CBLB: variants seen among roughly 807,000 people sequenced by gnomAD.
The protein encoded by CBLB is E3 ubiquitin-protein ligase CBL-B.
A neutral mutation model predicts 104.9 loss-of-function variants in CBLB; 31 were observed. That is an observed-to-expected ratio of 0.30 (90% CI 0.22 to 0.40). The LOEUF (loss-of-function observed/expected upper bound fraction) is 0.40. Among genes scored for constraint, CBLB ranks in the 10% least tolerant of loss-of-function variants. The pLI is 1.00. For synonymous variants in CBLB, 440 were observed against 422.6 expected, an observed-to-expected ratio of 1.04 and a Z score of -0.51; for missense variants, 1,062 against 1,214.6, an observed-to-expected ratio of 0.87 and a Z score of 1.87.
chr3:105,691,787 A>G (rs906241780), intron 13 of CBLB, among the ~76,000 whole-genome samples: 1 of 152,182 alleles, frequency 6.6e-6, no homozygotes, highest in African/African-American at 2.4e-5. Flanking sequence ...AGAATGATCT[A>G]ATTCGCTGAG....
At chr3:105,743,702 G>C (rs1196999208) in intron 6 of CBLB, among the ~76,000 whole-genome samples, 1 of 146,788 alleles carries the variant, frequency 6.8e-6, no homozygotes, top group East Asian at 2.0e-4. Context: ...TCTATACTAT[G>C]AAGTCAAAGA....
At chr3:105,670,862 G>A (rs532606049) in intron 17 of CBLB, 1 of 161,016 alleles carries the variant, frequency 6.2e-6, no homozygotes, top group East Asian at 1.6e-4. Flanking sequence ...ATTTGTGCAT[G>A]TAAAATCTTC....
At chr3:105,702,536 C>G in intron 11 of CBLB, 77 bp from the exon 12 acceptor site, 6 of 1,379,656 alleles carry the variant, frequency 4.3e-6, no homozygotes, top group Non-Finnish European at 9.6e-7. Context: ...AACTTCCAAA[C>G]TAGTGTATTA....
intron 4 of CBLB, among the ~76,000 whole-genome samples, chr3:105,767,462 C>T (rs1252345487): frequency 4.6e-5 from 7 of 151,968 alleles, no homozygotes; most frequent in Admixed American, 2.0e-4. Flanking sequence ...TATAAATAAA[C>T]CATTTTCCCC....
chr3:105,772,996 A>G (rs947141544), intron 4 of CBLB, among the ~76,000 whole-genome samples: 12 of 152,228 alleles, frequency 7.9e-5, no homozygotes, highest in African/African-American at 2.9e-4. Flanking sequence ...TTAAAGAACT[A>G]AAAGTAGAAC....
At chr3:105,720,291 T>C (rs1324306800) in intron 9 of CBLB, 41 bp from the exon 10 acceptor site, 2 of 1,531,762 alleles carry the variant, frequency 1.3e-6, no homozygotes, top group Non-Finnish European at 1.8e-6. Context: ...TTGTTCAAAA[T>C]AAACAGTACC....
At chr3:105,673,880 G>C (rs1326835935) in intron 17 of CBLB, 1 of 152,142 alleles carries the variant, frequency 6.6e-6, no homozygotes, top group Non-Finnish European at 1.5e-5. Context: ...CTACATCCAA[G>C]GTCTTCTCTT....
chr3:105,854,712 A>T (rs1324725939), intron 2 of CBLB, among the ~76,000 whole-genome samples: 1 of 151,918 alleles, frequency 6.6e-6, no homozygotes, highest in Non-Finnish European at 1.5e-5. Flanking sequence ...AGCTCACTGC[A>T]ACCTCTGCCT....
intron 3 of CBLB, among the ~76,000 whole-genome samples, chr3:105,843,432 T>A (rs1433581880): frequency 6.6e-6 from 1 of 152,166 alleles, no homozygotes; most frequent in Non-Finnish European, 1.5e-5. Context: ...AAGTTATAAT[T>A]ATTCTAATTA....
intron 3 of CBLB, among the ~76,000 whole-genome samples, chr3:105,783,256 T>C (rs2080515672): frequency 7.6e-6 from 1 of 130,746 alleles, no homozygotes; most frequent in Non-Finnish European, 1.7e-5. Context: ...ATAAGACATG[T>C]AGGTAAGACC....
At chr3:105,713,464 G>A (rs1294994712) in intron 10 of CBLB, among the ~76,000 whole-genome samples, 2 of 151,824 alleles carry the variant, frequency 1.3e-5, no homozygotes, top group Non-Finnish European at 2.9e-5. Flanking sequence ...ATGGAAAGAA[G>A]AATAAAGCAT....
intron 9 of CBLB, among the ~76,000 whole-genome samples, chr3:105,722,080 G>C (rs1054503014): frequency 2.0e-5 from 3 of 151,316 alleles, no homozygotes; most frequent in African/African-American, 7.3e-5. Context: ...CACACCTGAA[G>C]TCCCAGCTGG....
intron 17 of CBLB, among the ~76,000 whole-genome samples, chr3:105,675,253 C>T (rs905691402): frequency 6.6e-6 from 1 of 152,230 alleles, no homozygotes; most frequent in East Asian, 1.9e-4. Flanking sequence ...ACGAAAACAA[C>T]GGTAAAATGC....
At position 105,867,034 on chromosome 3, in the gene CBLB, G is replaced by T. The variant is rs529565269; in HGVS notation, c.168+376C>A. 5.3e-5 allele frequency among the ~76,000 whole-genome samples: 8 copies of T among 152,262 alleles called. No homozygotes were observed. The South Asian group carries it at 1.7e-3, about 32-fold the overall frequency. ...ATCATACCAGATGATTGTCATGAGT[G>T]GTCAAAGACTTAAATAACCTGCTGG... On this transcript the variant is annotated intron_variant, in intron 2 of 18. Transcript: ENST00000394030.
chr3:105,856,735 T>C (rs2091657519), intron 2 of CBLB, among the ~76,000 whole-genome samples: 2 of 152,188 alleles, frequency 1.3e-5, no homozygotes. Context: ...AGAAAGTCCT[T>C]GGAAAGGTAA....
Position 105,662,906 on chromosome 3 carries a change from T to C in CBLB, c.2690-3677A>G, listed in dbSNP as rs147149490. ...TACTTGAGACCATCAATACTACAGT[T>C]ACTATAATACTGTTACCACTTGAGA... On this transcript the variant is annotated intron_variant, in intron 18 of 18. Transcript: ENST00000394030. 3.3e-5 allele frequency among the ~76,000 whole-genome samples: 5 copies of C among 152,216 alleles called. No individual in the cohort carries two copies. The East Asian group carries it at 7.8e-4, about 24-fold the overall frequency.
intron 9 of CBLB, among the ~76,000 whole-genome samples, chr3:105,728,658 G>T (rs1193804730): frequency 6.6e-6 from 1 of 152,060 alleles, no homozygotes; most frequent in Non-Finnish European, 1.5e-5. Flanking sequence ...ATTACTAAGG[G>T]TAGCACAAAA....
At position 105,656,942 on chromosome 3, in the gene CBLB, A is replaced by G; in HGVS notation, c.*2028T>C. ...TGACAAAACAGGGGTTCATAAAGCA[A>G]AAGAAAATTTGCCAATGCAATTTTA... is the stretch of plus-strand genomic sequence containing the variant. On this transcript the variant is annotated 3_prime_UTR_variant, in exon 19 of 19. Coordinates refer to ENST00000394030, the MANE Select transcript of CBLB (RefSeq NM_170662.5). The G allele has an allele frequency of 4.6e-6, 1 of 217,654 alleles. No individual in the cohort carries two copies. Among genetic ancestry groups the G allele is most frequent in the Non-Finnish European group, 9.2e-6 (1 of 108,140 alleles). 13.5% of individuals were successfully genotyped at this position (217,654 alleles called of 1,614,324 possible). A position where few individuals can be genotyped will look rare whatever the true frequency, so the allele number is the denominator to read the frequency against.
Position 105,868,826 on chromosome 3 carries a change from G to A in CBLB, c.-105C>T, listed in dbSNP as rs10212262. 0.17 allele frequency: 168,045 copies of A among 994,408 alleles called. 15,251 individuals carry two copies. Among genetic ancestry groups the A allele is most frequent in the South Asian group, 0.3 (6,697 of 22,468 alleles). The allele number at this position is 994,408 out of a possible 1,614,324, so 61.6% of individuals were successfully genotyped here. ...CAGTGTGTGTGGGGAGCCCCGGCTG[G>A]GAGTGGGATCGCTGAGAACAGCTCG... On this transcript the variant is annotated 5_prime_UTR_variant, in exon 1 of 19. Coordinates refer to ENST00000394030, the MANE Select transcript of CBLB (RefSeq NM_170662.5).
Sources: allele counts gnomAD v4.1 joint callset (sites outside exome capture counted in the v4.1 genomes callset), GRCh38; gene constraint gnomAD v4.1.1; transcripts MANE v1.5; gene names NCBI Gene and HGNC (gene_info 2026-07-23, HGNC 2026-07-21).